Variants in WDR70 observed in about 807,000 individuals in gnomAD.
WDR70 encodes the protein WD repeat domain 70.
In WDR70, 53 loss-of-function variants were observed where a neutral mutation model predicts 88.6. The ratio of observed to expected loss-of-function variants is 0.60; its 90% CI spans 0.48 to 0.75. The LOEUF (loss-of-function observed/expected upper bound fraction) is 0.75, where lower values mean the gene tolerates loss of function less well. Ranked by LOEUF, WDR70 falls within the 30% of genes least tolerant of loss-of-function variation. The pLI is 0.00. For missense variants in WDR70, 610 were observed against 823.2 expected (o/e 0.74, Z 3.17); for synonymous variants, 280 against 270.0 (o/e 1.04, Z -0.36).
chr5:37,391,813 A>G (rs1020123018), intron 3 of WDR70, among the ~76,000 whole-genome samples, 187 bp from the exon 4 acceptor site: 5 of 152,086 alleles, frequency 3.3e-5, no homozygotes, highest in Non-Finnish European at 5.9e-5. Context: ...TGATAATTCT[A>G]TGTTTAACTT....
intron 9 of WDR70, among the ~76,000 whole-genome samples, chr5:37,544,779 G>C (rs1741935685): frequency 6.6e-6 from 1 of 152,098 alleles, no homozygotes; most frequent in African/African-American, 2.4e-5. Context: ...GGATGTGAGG[G>C]TTTCTCTTAT....
At chr5:37,403,964 C>A (rs927506766) in intron 5 of WDR70, among the ~76,000 whole-genome samples, 1 of 152,126 alleles carries the variant, frequency 6.6e-6, no homozygotes, top group African/African-American at 2.4e-5. Context: ...TGGCCTTGAA[C>A]TCTTGGCCTC....
intron 7 of WDR70, among the ~76,000 whole-genome samples, chr5:37,478,335 G>A (rs1335929427): frequency 6.6e-6 from 1 of 152,204 alleles, no homozygotes; most frequent in Non-Finnish European, 1.5e-5. Flanking sequence ...TTGCCCTACT[G>A]TGGCATGTTA....
chr5:37,419,954 G>T (rs1749894527), intron 5 of WDR70, among the ~76,000 whole-genome samples: 1 of 152,144 alleles, frequency 6.6e-6, no homozygotes, highest in South Asian at 2.1e-4. Flanking sequence ...GCCCAGGCCA[G>T]TCTTGAGTTC....
chr5:37,428,472 C>A (rs1246091567), intron 5 of WDR70, among the ~76,000 whole-genome samples: 1 of 152,162 alleles, frequency 6.6e-6, no homozygotes, highest in Non-Finnish European at 1.5e-5. Flanking sequence ...TGTTTTATGT[C>A]ACTATAGGTT....
intron 8 of WDR70, among the ~76,000 whole-genome samples, chr5:37,505,071 A>G (rs1298553246): frequency 1.3e-5 from 2 of 152,198 alleles, no homozygotes; most frequent in Non-Finnish European, 2.9e-5. Context: ...TTTTTACTTT[A>G]TATATATTTA....
At chr5:37,650,964 ATTT>A (rs56209225) in intron 10 of WDR70, among the ~76,000 whole-genome samples, 1 of 146,672 alleles carries the variant, frequency 6.8e-6, no homozygotes, top group Non-Finnish European at 1.5e-5. Flanking sequence ...AATGGGCTTC[ATTT>A]TTTTTTTTTT....
chr5:37,600,185 T>A (rs1743828940), intron 9 of WDR70, among the ~76,000 whole-genome samples: 1 of 152,140 alleles, frequency 6.6e-6, no homozygotes, highest in African/African-American at 2.4e-5. Context: ...GGAAAATATT[T>A]GCAAATAATG....
intron 13 of WDR70, among the ~76,000 whole-genome samples, chr5:37,715,337 CA>C (rs138965709): frequency 0.011 from 1,263 of 112,898 alleles, 17 homozygotes; most frequent in Middle Eastern, 0.028. Flanking sequence ...AGATTTCTGG[CA>C]AAAAAAAAAA....
chr5:37,728,372 A>C (rs1002047852), intron 17 of WDR70, among the ~76,000 whole-genome samples: 1 of 150,394 alleles, frequency 6.6e-6, no homozygotes, highest in South Asian at 2.1e-4. Context: ...AACAAAAAAA[A>C]AAAACAAACT....
intron 10 of WDR70, among the ~76,000 whole-genome samples, chr5:37,622,565 A>G (rs1412545703): frequency 6.6e-6 from 1 of 152,216 alleles, no homozygotes; most frequent in Non-Finnish European, 1.5e-5. Flanking sequence ...TGCAGCCTTA[A>G]AAAGGGTGAG....
chr5:37,463,109 T>A (rs1739059594), intron 7 of WDR70, among the ~76,000 whole-genome samples: 1 of 152,006 alleles, frequency 6.6e-6, no homozygotes, highest in Non-Finnish European at 1.5e-5. Context: ...CCGTCTCTAC[T>A]AAAAATACAA....
intron 3 of WDR70, among the ~76,000 whole-genome samples, chr5:37,388,748 AAAC>A (rs1160497499): frequency 6.0e-5 from 9 of 150,872 alleles, no homozygotes; most frequent in African/African-American, 2.2e-4. Context: ...CAAAAAAAAA[AAAC>A]AAAAAGAAAA....
chr5:37,665,191 A>T (rs1253630565), intron 10 of WDR70, among the ~76,000 whole-genome samples: 2 of 152,160 alleles, frequency 1.3e-5, no homozygotes, highest in African/African-American at 4.8e-5. Context: ...TGAAAATCTG[A>T]TGATTTACTT....
intron 7 of WDR70, among the ~76,000 whole-genome samples, chr5:37,477,715 C>G (rs1739531462): frequency 6.6e-6 from 1 of 152,112 alleles, no homozygotes; most frequent in African/African-American, 2.4e-5. Context: ...CATACTTGTC[C>G]CCTTTCATAT....
chr5:37,739,206 A>G (rs1748394408), intron 17 of WDR70, among the ~76,000 whole-genome samples: 1 of 152,226 alleles, frequency 6.6e-6, no homozygotes, highest in Non-Finnish European at 1.5e-5. Context: ...TATATGGAAT[A>G]GTCTGGTTAA....
At chr5:37,680,158 CTTT>C (rs35533012) in intron 10 of WDR70, among the ~76,000 whole-genome samples, 1 of 146,854 alleles carries the variant, frequency 6.8e-6, no homozygotes. Flanking sequence ...TGATGTTGAG[CTTT>C]TTTTTTTTTC....
intron 7 of WDR70, among the ~76,000 whole-genome samples, chr5:37,457,356 A>AG (rs1169805830): frequency 1.3e-5 from 2 of 152,194 alleles, no homozygotes; most frequent in African/African-American, 4.8e-5. Flanking sequence ...TTGGCCTCCC[A>AG]AAGTGCTGGG....
chr5:37,390,655 A>G (rs906106216), intron 3 of WDR70, among the ~76,000 whole-genome samples: 4 of 149,626 alleles, frequency 2.7e-5, no homozygotes, highest in Admixed American at 6.7e-5. Context: ...AAATTTTATT[A>G]TGATTTTGAT....
Sources: gnomAD v4.1 joint callset for allele counts (sites outside exome capture counted in the v4.1 genomes callset) on GRCh38, gnomAD v4.1.1 for gene constraint, MANE v1.5 for transcripts, NCBI Gene and HGNC (gene_info 2026-07-23, HGNC 2026-07-21) for gene names.